Variants in KCNC4 observed in about 807,000 individuals in gnomAD.
KCNC4 encodes the protein voltage-gated potassium channel KCNC4.
A neutral mutation model predicts 42.8 loss-of-function variants in KCNC4; 23 were observed. The observed-to-expected ratio is 0.54, with a 90% CI of 0.39 to 0.76. The LOEUF is 0.76. KCNC4 is among the 30% of genes least tolerant of loss of function. KCNC4 has a pLI of 0.00. For synonymous variants in KCNC4, 422 were observed against 393.5 expected, an observed-to-expected ratio of 1.07 and a Z score of -0.86; for missense variants, 751 against 898.2, an observed-to-expected ratio of 0.84 and a Z score of 2.10.
chr1:110,232,129 A>G (rs1658721778), intron 3 of KCNC4: 3 of 1,262,644 alleles, frequency 2.4e-6, no homozygotes, highest in Non-Finnish European at 3.4e-6. Flanking sequence ...GGTGGTAGAC[A>G]TCCCAGGCTG....
At chr1:110,215,267 A>G (rs559102940) in intron 1 of KCNC4, among the ~76,000 whole-genome samples, 1 of 152,174 alleles carries the variant, frequency 6.6e-6, no homozygotes, top group Non-Finnish European at 1.5e-5. Context: ...CCCCTGCTCC[A>G]CTGTGCTGGG....
At chr1:110,230,581 TC>T (rs1440473151) in intron 3 of KCNC4, among the ~76,000 whole-genome samples, 3 of 152,082 alleles carry the variant, frequency 2.0e-5, no homozygotes, top group African/African-American at 7.2e-5. Flanking sequence ...TTCCCTCTCT[TC>T]CCTCCCACAG....
At chr1:110,257,243 TC>T (rs1210090241) in intron 1 of KCNC4, among the ~76,000 whole-genome samples, 4 of 152,236 alleles carry the variant, frequency 2.6e-5, no homozygotes, top group Non-Finnish European at 5.9e-5. Flanking sequence ...ACTTGACTCT[TC>T]AATTGAATTA....
chr1:110,211,490 A>C lies in KCNC4; in HGVS notation c.-10A>C. Reference sequence around the variant, plus strand: ...CGGCCGCCCCAAGCCGGAGCCCCGCAGCGCTTCTTATGATCAGCTCGGTGT... The same window carrying C: ...CGGCCGCCCCAAGCCGGAGCCCCGCCGCGCTTCTTATGATCAGCTCGGTGT... On this transcript the variant is annotated 5_prime_UTR_variant, in exon 1 of 4. Coordinates refer to ENST00000438661, the MANE Select transcript of KCNC4 (RefSeq NM_001039574.3). The surrounding 1 kb of genome is among the most constrained non-coding windows in gnomAD (Gnocchi z 6.5). 1 of 1,606,426 alleles carries C rather than the reference A, an allele frequency of 6.2e-7. No homozygotes were observed. The highest frequency in any genetic ancestry group is 8.5e-7 in the Non-Finnish European group (1 of 1,174,590).
rs367820335 is a variant in KCNC4, at chr1:110,211,658, C to T, written c.159C>T (p.Thr53=). 3.7e-6 allele frequency: 6 copies of T among 1,613,308 alleles called. No individual in the cohort carries two copies. Among genetic ancestry groups the T allele is most frequent in the Admixed American group, 1.7e-5 (1 of 59,996 alleles). The change falls in exon 1 of 4, where the codon ACC becomes ACT. Residue 53 remains threonine (T), a synonymous_variant. Transcript: ENST00000438661. This position sits in a 1 kb window ranked among gnomAD's most constrained non-coding sequence, Gnocchi z 6.5. The stretch of plus-strand genomic sequence containing the variant: ...CGCGACATGAGACCTACCGCAGCAC[C>T]CTGCGCACCCTACCGGGAACCCGCC... ...GGTRHETYRS[T]LRTLPGTRLA...
intron 1 of KCNC4, among the ~76,000 whole-genome samples, chr1:110,276,822 T>C (rs1052975142): frequency 5.9e-5 from 9 of 152,176 alleles, no homozygotes; most frequent in African/African-American, 1.9e-4. Context: ...AGTGTTATCA[T>C]GTCACCAAGC....
chr1:110,229,654 C>T (rs1658596139), intron 3 of KCNC4, among the ~76,000 whole-genome samples: 1 of 152,208 alleles, frequency 6.6e-6, no homozygotes, highest in African/African-American at 2.4e-5. Flanking sequence ...TATTCATTTA[C>T]CTAACGAGCC....
chr1:110,271,073 C>T (rs1003797122), intron 1 of KCNC4, among the ~76,000 whole-genome samples: 1 of 152,188 alleles, frequency 6.6e-6, no homozygotes, highest in African/African-American at 2.4e-5. Flanking sequence ...CAAGGAATGA[C>T]TCTCCAGAGT....
intron 1 of KCNC4, among the ~76,000 whole-genome samples, chr1:110,254,678 G>C (rs1659301902): frequency 6.6e-6 from 1 of 152,228 alleles, no homozygotes; most frequent in Non-Finnish European, 1.5e-5. Context: ...GGGGAGGACT[G>C]TCTGTAGATC....
chr1:110,235,779 A>G (rs1316794816), downstream of KCNC4: 1 of 152,246 alleles, frequency 6.6e-6, no homozygotes, highest in Non-Finnish European at 1.5e-5. Flanking sequence ...GCTGGTTAAA[A>G]GAACAGGACA....
chr1:110,267,878 C>A (rs4839279), intron 1 of KCNC4, among the ~76,000 whole-genome samples: 1 of 152,014 alleles, frequency 6.6e-6, no homozygotes, highest in African/African-American at 2.4e-5. Flanking sequence ...AAAACTGCCC[C>A]TTCCTTGTTC....
intron 1 of KCNC4, among the ~76,000 whole-genome samples, chr1:110,213,320 A>T (rs1246782863): frequency 6.6e-6 from 1 of 152,012 alleles, no homozygotes; most frequent in Non-Finnish European, 1.5e-5. Context: ...GAGCAATGTA[A>T]CTTGTTGGGT....
intron 1 of KCNC4, among the ~76,000 whole-genome samples, chr1:110,254,732 T>A (rs769093325): frequency 1.4e-4 from 21 of 152,226 alleles, no homozygotes; most frequent in Non-Finnish European, 2.1e-4. Context: ...CACCTTATAC[T>A]GAGCTCCCTC....
At chr1:110,260,013 C>G (rs750831443) in intron 1 of KCNC4, among the ~76,000 whole-genome samples, 1 of 152,194 alleles carries the variant, frequency 6.6e-6, no homozygotes, top group Non-Finnish European at 1.5e-5. Context: ...GCCCAGCAGG[C>G]CTGGGCATGC....
At position 110,225,965 on chromosome 1, in the gene KCNC4, C is replaced by A; in HGVS notation, c.1616-10C>A. 1 of 1,569,830 alleles carries A rather than the reference C, an allele frequency of 6.4e-7. No homozygotes were observed. Among genetic ancestry groups the A allele is most frequent in the Non-Finnish European group, 8.7e-7 (1 of 1,153,782 alleles). Reference sequence around the variant, plus strand: ...CCTCATGCAGCCTCCTTTCTGTGTGCCCCCTTCAGACTCTAAGCAGAATGG... The same window carrying A: ...CCTCATGCAGCCTCCTTTCTGTGTGACCCCTTCAGACTCTAAGCAGAATGG... On this transcript the variant is annotated splice_polypyrimidine_tract_variant and intron_variant, in intron 2 of 3. Transcript: ENST00000438661.
chr1:110,218,914 T>TA (rs1165213164), intron 1 of KCNC4, among the ~76,000 whole-genome samples: 1 of 152,138 alleles, frequency 6.6e-6, no homozygotes, highest in Non-Finnish European at 1.5e-5. Context: ...CTCTCCTGCT[T>TA]AGAGGATGGG....
At position 110,223,997 on chromosome 1, in the gene KCNC4, T is replaced by C. The variant is rs1162817250; in HGVS notation, c.1615+97T>C. 4 of 970,838 alleles carry C rather than the reference T, an allele frequency of 4.1e-6. No homozygotes were observed. The African/African-American group carries it at 6.6e-5, about 16-fold the overall frequency. 60.1% of individuals were successfully genotyped at this position (970,838 alleles called of 1,614,324 possible). A position where few individuals can be genotyped will look rare whatever the true frequency, so the allele number is the denominator to read the frequency against. ...ACCTTGGGATTTGGCATGTGTTTTGTGTGGGGCTTCCCTAAGCATAAAGAT... is the reference window on the plus strand; with the variant it reads ...ACCTTGGGATTTGGCATGTGTTTTGCGTGGGGCTTCCCTAAGCATAAAGAT... On this transcript the variant is annotated intron_variant, in intron 2 of 3. Transcript: ENST00000438661. The surrounding 1 kb of genome is among the most constrained non-coding windows in gnomAD (Gnocchi z 7.5).
intron 1 of KCNC4, chr1:110,222,729 C>A: frequency 1.9e-6 from 1 of 531,880 alleles, no homozygotes; most frequent in Non-Finnish European, 3.4e-6. Flanking sequence ...GTGTTTCCAG[C>A]CAAGAGCAGC....
rs1659664229 is a variant in KCNC4 at position 110,273,166 on chromosome 1, C to T, written n.31-9368C>T. On this transcript the variant is annotated intron_variant and non_coding_transcript_variant, in intron 1 of 2. Transcript: ENST00000412512. ...GAAAGAGGGCATCTAGTTAGAGCTA[C>T]AGAGTGCCTTTCATTGACCTGGTGT... Among the ~76,000 whole-genome samples the T allele has an allele frequency of 2.0e-5, 3 of 152,202 alleles. No individual in the cohort carries two copies. The South Asian group carries it at 6.2e-4, about 32-fold the overall frequency.
Sources: allele counts gnomAD v4.1 joint callset (sites outside exome capture counted in the v4.1 genomes callset), GRCh38; gene constraint gnomAD v4.1.1; non-coding constraint Gnocchi (gnomAD v3.1); transcripts MANE v1.5; gene names NCBI Gene and HGNC (gene_info 2026-07-23, HGNC 2026-07-21).